DNMT3B: variants seen among roughly 807,000 people sequenced by gnomAD.
DNMT3B encodes the protein DNA (cytosine-5)-methyltransferase 3B.
A neutral mutation model predicts 120.2 loss-of-function variants in DNMT3B; 37 were observed. The ratio of observed to expected loss-of-function variants is 0.31; its 90% confidence interval spans 0.24 to 0.40. DNMT3B has a LOEUF of 0.40. Among genes scored for constraint, DNMT3B ranks in the 10% least tolerant of loss-of-function variants. The probability of loss-of-function intolerance (pLI) is 1.00; values close to 1 mark genes in which losing one functional copy is unlikely to be tolerated. For synonymous variants in DNMT3B, 412 were observed against 442.8 expected, an observed-to-expected ratio of 0.93 and a Z score of 0.87; for missense variants, 878 against 1,137.3, an observed-to-expected ratio of 0.77 and a Z score of 3.28.
intron 10 of DNMT3B, 29 bp from the exon 11 acceptor site, chr20:32,795,380 C>A: frequency 1.2e-6 from 2 of 1,613,612 alleles, no homozygotes; most frequent in South Asian, 2.2e-5. Context: ...CCTACCAAGC[C>A]ACGGCTGCAG....
intron 20 of DNMT3B, 89 bp downstream of exon 20, chr20:32,802,559 GGC>G: frequency 7.5e-7 from 1 of 1,335,650 alleles, no homozygotes; most frequent in Non-Finnish European, 1.1e-6. Context: ...AGAAAGACCT[GGC>G]TCTGCTGAGA....
At chr20:32,805,514 AC>A in intron 21 of DNMT3B, 107 bp downstream of exon 21, 1 of 1,314,704 alleles carries the variant, frequency 7.6e-7, no homozygotes, top group Admixed American at 1.8e-5. Context: ...CCCCCACGTG[AC>A]TTCCTGGTGT....
At chr20:32,786,824 A>G (rs573866405) in intron 5 of DNMT3B, among the ~76,000 whole-genome samples, 197 bp downstream of exon 5, 2 of 152,320 alleles carry the variant, frequency 1.3e-5, no homozygotes, top group South Asian at 4.1e-4. Context: ...CTGATCTCAG[A>G]TGACACTCTG....
chr20:32,799,593 C>T (rs1336336082), intron 16 of DNMT3B, among the ~76,000 whole-genome samples: 4 of 152,202 alleles, frequency 2.6e-5, no homozygotes, highest in Non-Finnish European at 5.9e-5. Context: ...GATCTGTGCT[C>T]ACTGCAGCCC....
intron 18 of DNMT3B, 50 bp downstream of exon 18, chr20:32,800,975 C>T (rs1423559136): frequency 1.2e-6 from 2 of 1,603,550 alleles, no homozygotes; most frequent in African/African-American, 1.3e-5. Context: ...GTCACCTGAC[C>T]ACTGGCCCAG....
intron 1 of DNMT3B, among the ~76,000 whole-genome samples, chr20:32,773,708 G>T (rs1425532362): frequency 1.3e-5 from 2 of 151,560 alleles, no homozygotes; most frequent in African/African-American, 4.9e-5. Flanking sequence ...AACTTCCGAG[G>T]CTTAGGTGAT....
rs1179182256 is a variant in DNMT3B at position 32,797,198 on chromosome 20, T to C, written c.1389T>C (p.Leu463=). The part of the protein sequence containing the change: ...GLCQTCRDRF[L]ELFYMYDDDG... ...TCTCTGGCTGCCAGGATCGCTTCCT[T>C]GAGCTGTTTTACATGTATGATGACG... Residue 463 remains leucine (L), a synonymous_variant, in exon 14 of 23, where the codon CTT becomes CTC. Transcript: ENST00000328111. The C allele has an allele frequency of 1.2e-6, 2 of 1,612,376 alleles. No individual in the cohort carries two copies. The highest frequency in any genetic ancestry group is 1.1e-5 in the South Asian group (1 of 91,042).
intron 2 of DNMT3B, 50 bp downstream of exon 2, chr20:32,780,515 C>T (rs376079908): frequency 1.1e-5 from 18 of 1,600,126 alleles, no homozygotes; most frequent in East Asian, 1.1e-4. Context: ...ACATAGTGAG[C>T]GGTCACTGCA....
rs1982212226 is a variant in DNMT3B at position 32,808,618 on chromosome 20, GCT to G, written c.*716_*717del. The G allele has an allele frequency of 4.3e-6, 1 of 230,888 alleles. No individual in the cohort carries two copies. Among genetic ancestry groups the G allele is most frequent in the Non-Finnish European group, 8.6e-6 (1 of 116,604 alleles). 14.3% of individuals were successfully genotyped at this position (230,888 alleles called of 1,614,324 possible). On this transcript the variant is annotated 3_prime_UTR_variant, in exon 23 of 23. Coordinates refer to ENST00000328111, the MANE Select transcript of DNMT3B (RefSeq NM_006892.4). Reference sequence around the variant, plus strand: ...AACCCAAGGGCAGGGGCCACTCTTAGCTAAATCCCTCCCCGTGACTGCAATAG... The same window carrying G: ...AACCCAAGGGCAGGGGCCACTCTTAGAAATCCCTCCCCGTGACTGCAATAG...
At chr20:32,778,223 C>G (rs1988165865) in intron 1 of DNMT3B, among the ~76,000 whole-genome samples, 1 of 152,160 alleles carries the variant, frequency 6.6e-6, no homozygotes, top group African/African-American at 2.4e-5. Flanking sequence ...GTAATCCCAG[C>G]TACTCAGGAG....
In DNMT3B at chr20:32,798,554, C is replaced by T. The variant is rs761304747; in HGVS notation, c.1585C>T (p.Pro529Ser). Reference protein sequence around the residue: ...QEPWSCYMCLPQRCHGVLRRR... With the variant: ...QEPWSCYMCLSQRCHGVLRRR... ...GCCCTGGAGCTGTTACATGTGTCTC[C>T]CGCAGCGCTGTCATGGCGTCCTGCG... The change falls in exon 15 of 23, where the codon CCG becomes TCG. Residue 529 changes from proline to serine, a missense_variant. Around this residue, in one of 4 missense-constraint regions of DNMT3B, gnomAD observed 334 missense variants for 518.8 expected, o/e 0.64. Transcript: ENST00000328111. The T allele has an allele frequency of 6.2e-7, 1 of 1,614,226 alleles. No individual in the cohort carries two copies. Among genetic ancestry groups the T allele is most frequent in the Non-Finnish European group, 8.5e-7 (1 of 1,180,042 alleles).
rs200912653 is a variant in DNMT3B, at chr20:32,796,845, G to A, written c.1353G>A (p.Glu451=). The A allele has an allele frequency of 8.7e-6, 14 of 1,614,000 alleles. No homozygotes were observed. In the African/African-American group the frequency reaches 1.5e-4, roughly 17 times the overall value. The change falls in exon 13 of 23, where the codon GAG becomes GAA. Residue 451 remains glutamate, a synonymous_variant. Coordinates refer to ENST00000328111, the MANE Select transcript of DNMT3B (RefSeq NM_006892.4). ...KNPVSFHPLF[E]GGLCQTCRDR... ...CCGTGTCCTTCCACCCTCTCTTTGA[G>A]GGGGGGCTCTGTCAGACATGCCGGG...
Position 32,769,145 on chromosome 20 carries a change from C to T in DNMT3B, c.-7+6446C>T, listed in dbSNP as rs139308948. Among the ~76,000 whole-genome samples the T allele has an allele frequency of 2.7e-3, 407 of 152,150 alleles. 1 individual carries two copies. The highest frequency in any genetic ancestry group is 8.7e-3 in the African/African-American group (362 of 41,516). ...TGTCGCCCAGGCTGGAGTGCAGTGGCGAGATCTCGGCTCACTGCAAGCTCT... is the reference window on the plus strand; with the variant it reads ...TGTCGCCCAGGCTGGAGTGCAGTGGTGAGATCTCGGCTCACTGCAAGCTCT... On this transcript the variant is annotated intron_variant, in intron 1 of 22. Coordinates refer to ENST00000328111, the MANE Select transcript of DNMT3B (RefSeq NM_006892.4).
chr20:32,797,392 C>A (rs1980768676), intron 14 of DNMT3B, 93 bp downstream of exon 14: 5 of 1,269,180 alleles, frequency 3.9e-6, no homozygotes, highest in Middle Eastern at 1.9e-4. Context: ...GAATGGAATC[C>A]TAGGCATGGG....
chr20:32,765,223 G>A (rs6087991), intron 1 of DNMT3B, among the ~76,000 whole-genome samples: 1 of 152,062 alleles, frequency 6.6e-6, no homozygotes, highest in Non-Finnish European at 1.5e-5. Flanking sequence ...CCAGTTTCAC[G>A]GAGGACCAGG....
rs1601104799 is a variant in DNMT3B, at chr20:32,792,622, G to A, written c.922-4G>A. 2 of 1,614,050 alleles carry A rather than the reference G, an allele frequency of 1.2e-6. No individual in the cohort carries two copies. Among genetic ancestry groups the A allele is most frequent in the Admixed American group, 1.7e-5 (1 of 60,004 alleles). On this transcript the variant is annotated splice_region_variant and splice_polypyrimidine_tract_variant and intron_variant, in intron 8 of 22. Transcript: ENST00000328111. ...CCCATTCATCACAGACTCTGCCTTT[G>A]CAGAAAGCTAGGGTGCGAGCTGGCA...
intron 4 of DNMT3B, 27 bp from the exon 5 acceptor site, chr20:32,786,475 C>T (rs749915006): frequency 6.2e-7 from 1 of 1,613,858 alleles, no homozygotes; most frequent in Admixed American, 1.7e-5. Flanking sequence ...CACCTAAGGC[C>T]CAGTGAGTGT....
intron 8 of DNMT3B, among the ~76,000 whole-genome samples, chr20:32,792,078 C>T (rs1411542848): frequency 6.6e-6 from 1 of 152,108 alleles, no homozygotes; most frequent in Admixed American, 6.5e-5. Context: ...CCGTCTTATC[C>T]CCTATGAACC....
intron 1 of DNMT3B, among the ~76,000 whole-genome samples, chr20:32,772,808 A>G (rs1457880736): frequency 1.3e-5 from 2 of 149,600 alleles, no homozygotes; most frequent in African/African-American, 4.9e-5. Context: ...CAAACATCTG[A>G]GTATATTTTG....
Sources: allele counts gnomAD v4.1 joint callset (sites outside exome capture counted in the v4.1 genomes callset), GRCh38; gene constraint gnomAD v4.1.1; regional missense constraint gnomAD v4.1.1; transcripts MANE v1.5; gene names NCBI Gene and HGNC (gene_info 2026-07-23, HGNC 2026-07-21).